LINGO2: variants seen among roughly 807,000 people sequenced by gnomAD.
LINGO2 encodes leucine rich repeat and Ig domain containing 2, also known as leucine-rich repeat and immunoglobulin-like domain-containing nogo receptor-interacting protein 2.
LINGO2 carries 14 observed loss-of-function variants against 30.6 expected under a neutral mutation model. The ratio of observed to expected loss-of-function variants is 0.46; its 90% confidence interval spans 0.30 to 0.72. The LOEUF is 0.72. Ranked by LOEUF, LINGO2 falls within the 30% of genes least tolerant of loss-of-function variation. The pLI is 0.07. For synonymous variants in LINGO2, 317 were observed against 288.5 expected, an observed-to-expected ratio of 1.10 and a Z score of -1.00; for missense variants, 729 against 751.7, an observed-to-expected ratio of 0.97 and a Z score of 0.35.
chr9:28,479,302 A>G (rs557489469), intron 1 of LINGO2, among the ~76,000 whole-genome samples: 1 of 151,830 alleles, frequency 6.6e-6, no homozygotes, highest in African/African-American at 2.4e-5. Context: ...ATTTTTTTTT[A>G]AAGAATCATA....
chr9:28,904,570 T>C, the LINGO2 span, among the ~76,000 whole-genome samples: 1 of 151,218 alleles, frequency 6.6e-6, no homozygotes, highest in African/African-American at 2.4e-5. Flanking sequence ...CAATGAACTC[T>C]CCAAAAAAGA....
At chr9:28,671,598 A>G (rs889954888), upstream of LINGO2, among the ~76,000 whole-genome samples, 20 of 151,822 alleles carry the variant, frequency 1.3e-4, no homozygotes, top group Admixed American at 6.6e-5. Context: ...CAATGAGAAT[A>G]CACGGATACA....
chr9:28,511,915 G>T (rs1015190870), intron 1 of LINGO2, among the ~76,000 whole-genome samples: 21 of 152,148 alleles, frequency 1.4e-4, no homozygotes, highest in Admixed American at 3.3e-4. Context: ...CCACTTTAGG[G>T]TGGTTCCTGC....
chr9:28,993,978 C>T, the LINGO2 span, among the ~76,000 whole-genome samples: 1 of 151,222 alleles, frequency 6.6e-6, no homozygotes, highest in Non-Finnish European at 1.5e-5. Flanking sequence ...TGCCCTCTCT[C>T]ACCACTCCTA....
chr9:28,896,851 T>C, the LINGO2 span, among the ~76,000 whole-genome samples: 1 of 152,132 alleles, frequency 6.6e-6, no homozygotes, highest in Non-Finnish European at 1.5e-5. Flanking sequence ...ATATCATCTA[T>C]AGAAGTACAT....
At chr9:28,253,967 C>T (rs1822295788) in intron 4 of LINGO2, among the ~76,000 whole-genome samples, 1 of 152,092 alleles carries the variant, frequency 6.6e-6, no homozygotes, top group South Asian at 2.1e-4. Flanking sequence ...AAGTGGGAAG[C>T]GTACTAGTCG....
chr9:28,001,696 G>T (rs1821962833), intron 5 of LINGO2, among the ~76,000 whole-genome samples: 1 of 139,158 alleles, frequency 7.2e-6, no homozygotes, highest in Non-Finnish European at 1.6e-5. Context: ...AAAGCAGGGG[G>T]CAGAAAGGAA....
intron 4 of LINGO2, among the ~76,000 whole-genome samples, chr9:28,077,482 A>T (rs1825658779): frequency 1.3e-5 from 2 of 152,184 alleles, no homozygotes; most frequent in South Asian, 4.1e-4. Flanking sequence ...TCACTCATGG[A>T]TTCATTCATT....
At chr9:29,172,503 T>A in the LINGO2 span, among the ~76,000 whole-genome samples, 1 of 151,966 alleles carries the variant, frequency 6.6e-6, no homozygotes, top group East Asian at 1.9e-4. Flanking sequence ...TAACATGAGA[T>A]AAATATATCA....
intron 5 of LINGO2, among the ~76,000 whole-genome samples, chr9:28,003,082 A>T (rs529318617): frequency 1.3e-5 from 2 of 152,300 alleles, no homozygotes; most frequent in African/African-American, 2.4e-5. Context: ...TAAAATTTGT[A>T]AAGTATATAT....
At chr9:29,018,736 T>C in the LINGO2 span, among the ~76,000 whole-genome samples, 1 of 151,942 alleles carries the variant, frequency 6.6e-6, no homozygotes, top group Non-Finnish European at 1.5e-5. Flanking sequence ...GCATCTCTTA[T>C]TACTTAGATC....
At chr9:28,605,741 CT>C (rs1825669980) in intron 1 of LINGO2, among the ~76,000 whole-genome samples, 1 of 152,004 alleles carries the variant, frequency 6.6e-6, no homozygotes, top group Non-Finnish European at 1.5e-5. Flanking sequence ...CAAACTGCAG[CT>C]TGTGGCCAAA....
the LINGO2 span, among the ~76,000 whole-genome samples, chr9:28,720,365 T>G: frequency 6.6e-6 from 1 of 152,102 alleles, no homozygotes; most frequent in Non-Finnish European, 1.5e-5. Flanking sequence ...CTTTCAAGGT[T>G]CATGCCAAAG....
At chr9:28,646,143 G>A (rs1224277231) in intron 1 of LINGO2, among the ~76,000 whole-genome samples, 1 of 152,016 alleles carries the variant, frequency 6.6e-6, no homozygotes, top group East Asian at 1.9e-4. Flanking sequence ...TTTTTGTCAG[G>A]AAAATCTTCA....
intron 2 of LINGO2, among the ~76,000 whole-genome samples, chr9:28,404,147 T>C (rs1209354754): frequency 6.6e-6 from 1 of 152,152 alleles, no homozygotes; most frequent in East Asian, 1.9e-4. Flanking sequence ...CAAATATCTT[T>C]AAAAATATAC....
chr9:29,125,978 A>C, the LINGO2 span, among the ~76,000 whole-genome samples: 1 of 152,148 alleles, frequency 6.6e-6, no homozygotes, highest in Non-Finnish European at 1.5e-5. Context: ...TGTCTGATTC[A>C]ATTATTTCTT....
chr9:28,758,952 C>G, the LINGO2 span, among the ~76,000 whole-genome samples: 2 of 152,034 alleles, frequency 1.3e-5, no homozygotes, highest in African/African-American at 4.8e-5. Context: ...ATTTTCTTTT[C>G]TTTACTTCAT....
At position 28,610,169 on chromosome 9, in the gene LINGO2, A is replaced by G. The variant is rs538234714; in HGVS notation, c.-365+60031T>C. Among the ~76,000 whole-genome samples, 236 of 152,286 alleles carry G rather than the reference A, an allele frequency of 1.5e-3. 1 individual carries two copies. The highest frequency in any genetic ancestry group is 5.0e-3 in the African/African-American group (206 of 41,558). ...AAAACAAACCTGTTTTACTTTTGAAATAAAAGACTATTTTTGAAGTATTTA... is the reference window on the plus strand; with the variant it reads ...AAAACAAACCTGTTTTACTTTTGAAGTAAAAGACTATTTTTGAAGTATTTA... On this transcript the variant is annotated intron_variant, in intron 1 of 5. Transcript: ENST00000379992.
chr9:29,041,018 A>T, the LINGO2 span, among the ~76,000 whole-genome samples: 1 of 152,048 alleles, frequency 6.6e-6, no homozygotes, highest in African/African-American at 2.4e-5. Context: ...AAATTAATTT[A>T]AGCATATTTT....
Sources: gnomAD v4.1 joint callset for allele counts (sites outside exome capture counted in the v4.1 genomes callset) on GRCh38, gnomAD v4.1.1 for gene constraint, MANE v1.5 for transcripts, NCBI Gene and HGNC (gene_info 2026-07-23, HGNC 2026-07-21) for gene names.